Variants in CD55 observed in about 807,000 individuals in gnomAD.
The protein encoded by CD55 is CD55 molecule (Cromer blood group).
In CD55, 41 loss-of-function variants were observed where a neutral mutation model predicts 45.8. The ratio of observed to expected loss-of-function variants is 0.90; its 90% CI spans 0.70 to 1.16. The LOEUF (loss-of-function observed/expected upper bound fraction) is 1.16. CD55 is among the 50% of genes most tolerant of loss of function. The pLI is 0.00. For synonymous variants in CD55, 181 were observed against 181.1 expected, an observed-to-expected ratio of 1.00 and a Z score of 0.01; for missense variants, 416 against 469.8, an observed-to-expected ratio of 0.89 and a Z score of 1.06.
intron 9 of CD55, among the ~76,000 whole-genome samples, chr1:207,346,599 G>C (rs1655650209): frequency 6.6e-6 from 1 of 152,204 alleles, no homozygotes; most frequent in Non-Finnish European, 1.5e-5. Flanking sequence ...GCAGCCAGCA[G>C]CAGCCATAGC....
intron 9 of CD55, among the ~76,000 whole-genome samples, chr1:207,341,123 T>C (rs1177982488): frequency 6.6e-6 from 1 of 152,182 alleles, no homozygotes; most frequent in Non-Finnish European, 1.5e-5. Context: ...TGATTATTTG[T>C]TTTTCGCTAG....
At chr1:207,340,938 C>T (rs28739015) in intron 9 of CD55, among the ~76,000 whole-genome samples, 3,817 of 152,212 alleles carry the variant, frequency 0.025, 87 homozygotes, top group Non-Finnish European at 0.033. Context: ...CCCTTTTCTT[C>T]ACGTCCTCAC....
Position 207,321,720 on chromosome 1 carries a change from C to T in CD55, c.-46C>T. ...CTCCGGCCGCTGGGCGTAGCTGCGA[C>T]TCGGCGGAGTCCCGGCGGCGCGTCC... On this transcript the variant is annotated 5_prime_UTR_variant, in exon 1 of 10. Coordinates refer to ENST00000367064, the MANE Select transcript of CD55 (RefSeq NM_000574.5). 2 of 1,404,844 alleles carry T rather than the reference C, an allele frequency of 1.4e-6. No homozygotes were observed. The highest frequency in any genetic ancestry group is 1.9e-6 in the Non-Finnish European group (2 of 1,059,036). 87.0% of individuals were successfully genotyped at this position (1,404,844 alleles called of 1,614,324 possible).
Position 207,338,090 on chromosome 1 carries a change from G to T in CD55, c.1060+681G>T, listed in dbSNP as rs537322794. Among the ~76,000 whole-genome samples, 9 of 152,158 alleles carry T rather than the reference G, an allele frequency of 5.9e-5. No individual in the cohort carries two copies. The South Asian group carries it at 1.9e-3, about 32-fold the overall frequency. On this transcript the variant is annotated intron_variant, in intron 8 of 9. Coordinates refer to ENST00000367064, the MANE Select transcript of CD55 (RefSeq NM_000574.5). ...GAATTTAAACATTATGGATGTTATC[G>T]TTAAAGTTCCCTTAAAACATTTCCC...
rs1654648516 is a variant in CD55, at chr1:207,325,675, G to A, written c.532G>A (p.Gly178Ser). 6.2e-7 allele frequency: 1 copy of A among 1,611,346 alleles called. No homozygotes were observed. Among genetic ancestry groups the A allele is most frequent in the East Asian group, 2.2e-5 (1 of 44,756 alleles). Reference protein sequence around the residue: ...EIRNGQIDVPGGILFGATISF... With the variant: ...EIRNGQIDVPSGILFGATISF... The stretch of plus-strand genomic sequence containing the variant: ...ACGAAATGGTCAGATTGATGTACCA[G>A]GTGGCATATTATTTGGTGCAACCAT... Residue 178 changes from glycine (G) to serine (S), a missense_variant, in exon 4 of 10, where the codon GGT becomes AGT. Physicochemically the swap from Gly to Ser is moderately conservative, Grantham distance 56. Coordinates refer to ENST00000367064, the MANE Select transcript of CD55 (RefSeq NM_000574.5).
chr1:207,325,224 T>G (rs1416741612), intron 3 of CD55, among the ~76,000 whole-genome samples: 1 of 151,450 alleles, frequency 6.6e-6, no homozygotes, highest in African/African-American at 2.4e-5. Flanking sequence ...AATCCCAGCT[T>G]CTTGGAAGGC....
intron 9 of CD55, among the ~76,000 whole-genome samples, chr1:207,357,875 T>G (rs1234743200): frequency 6.6e-6 from 1 of 152,196 alleles, no homozygotes; most frequent in Non-Finnish European, 1.5e-5. Flanking sequence ...AAAGTTTAAT[T>G]TATAAATGAG....
intron 9 of CD55, chr1:207,350,117 A>T: frequency 2.2e-6 from 1 of 454,916 alleles, no homozygotes; most frequent in Non-Finnish European, 4.4e-6. Context: ...TGAGATGATC[A>T]TGTGGTTTTT....
At chr1:207,350,476 C>G (rs1476165476) in intron 9 of CD55, among the ~76,000 whole-genome samples, 1 of 152,122 alleles carries the variant, frequency 6.6e-6, no homozygotes, top group Non-Finnish European at 1.5e-5. Flanking sequence ...GTGAATCCAT[C>G]TGGTACAGGG....
chr1:207,354,026 T>C (rs1386403632), intron 9 of CD55: 3 of 1,535,446 alleles, frequency 2.0e-6, no homozygotes, highest in South Asian at 2.4e-5. Flanking sequence ...TTAGACCTTT[T>C]GAAGTGTCTG....
intron 9 of CD55, among the ~76,000 whole-genome samples, chr1:207,343,661 T>G (rs1655518879): frequency 6.6e-6 from 1 of 152,218 alleles, no homozygotes; most frequent in African/African-American, 2.4e-5. Context: ...GGTGAACTCT[T>G]CTGTTAGTGT....
At chr1:207,333,699 A>G (rs895466380) in intron 6 of CD55, among the ~76,000 whole-genome samples, 4 of 152,232 alleles carry the variant, frequency 2.6e-5, no homozygotes, top group Admixed American at 2.6e-4. Flanking sequence ...GGAATCTGCA[A>G]AAATGGTGTA....
rs2102453853 is a variant in CD55 at position 207,359,642 on chromosome 1, A to C, written c.*32A>C. On this transcript the variant is annotated 3_prime_UTR_variant, in exon 10 of 10. Coordinates refer to ENST00000367064, the MANE Select transcript of CD55 (RefSeq NM_000574.5). ...AAGAGTTAAGAAGAAAATACACACA[A>C]GTATACAGACTGTTCCTAGTTTCTT... The C allele has an allele frequency of 6.4e-7, 1 of 1,569,900 alleles. No homozygotes were observed. The highest frequency in any genetic ancestry group is 1.2e-5 in the South Asian group (1 of 83,592).
chr1:207,329,222 G>A (rs1654829768), intron 5 of CD55, among the ~76,000 whole-genome samples: 1 of 152,208 alleles, frequency 6.6e-6, no homozygotes, highest in Non-Finnish European at 1.5e-5. Context: ...TTGAGTATAT[G>A]CTATCAGCCT....
At chr1:207,359,391 A>C in intron 9 of CD55, 155 bp from the exon 10 acceptor site, 2 of 641,558 alleles carry the variant, frequency 3.1e-6, no homozygotes, top group South Asian at 4.5e-5. Flanking sequence ...AATCTTGTCC[A>C]TATTCTATTA....
At position 207,339,457 on chromosome 1, in the gene CD55, A is replaced by T. The variant is rs761225241; in HGVS notation, c.1081+40A>T. 19 of 1,499,348 alleles carry T rather than the reference A, an allele frequency of 1.3e-5. No individual in the cohort carries two copies. The South Asian group carries it at 2.2e-4, about 17-fold the overall frequency. The allele number at this position is 1,499,348 out of a possible 1,614,324, so 92.9% of individuals were successfully genotyped here. A position where few individuals can be genotyped will look rare whatever the true frequency, so the allele number is the denominator to read the frequency against. Reference sequence around the variant, plus strand: ...CAGGCCATTAAAAGAAATTGTTTTCACTGTGGGATATACAATCCATATTCC... The same window carrying T: ...CAGGCCATTAAAAGAAATTGTTTTCTCTGTGGGATATACAATCCATATTCC... On this transcript the variant is annotated intron_variant, in intron 9 of 9. Coordinates refer to ENST00000367064, the MANE Select transcript of CD55 (RefSeq NM_000574.5).
At chr1:207,358,055 T>C (rs774731950) in intron 9 of CD55, among the ~76,000 whole-genome samples, 14 of 152,212 alleles carry the variant, frequency 9.2e-5, no homozygotes, top group Non-Finnish European at 2.1e-4. Context: ...AGCAGACTAA[T>C]GTATTTGTTT....
chr1:207,334,231 A>C (rs968067261), intron 6 of CD55, among the ~76,000 whole-genome samples: 6 of 152,296 alleles, frequency 3.9e-5, no homozygotes, highest in African/African-American at 4.8e-5. Flanking sequence ...AATAAGAAGA[A>C]ATCTTTAAAA....
At chr1:207,356,723 A>G (rs959083791) in intron 9 of CD55, among the ~76,000 whole-genome samples, 2 of 152,228 alleles carry the variant, frequency 1.3e-5, no homozygotes, top group African/African-American at 4.8e-5. Context: ...TGCTTGGCAC[A>G]TAGTAAGCAC....
Sources: allele counts gnomAD v4.1 joint callset (sites outside exome capture counted in the v4.1 genomes callset), GRCh38; gene constraint gnomAD v4.1.1; transcripts MANE v1.5; gene names NCBI Gene and HGNC (gene_info 2026-07-23, HGNC 2026-07-21).